Variants in CHN1 observed in about 807,000 individuals in gnomAD.
The protein encoded by CHN1 is chimerin 1, also known as N-chimaerin.
Under a neutral mutation model 59.5 loss-of-function variants are expected in CHN1, and 37 were observed. The observed-to-expected ratio is 0.62, with a 90% CI of 0.48 to 0.82. The LOEUF (loss-of-function observed/expected upper bound fraction) is 0.82. CHN1 is among the 40% of genes least tolerant of loss of function. The probability of loss-of-function intolerance (pLI) is 0.00; values close to 1 mark genes in which losing one functional copy is unlikely to be tolerated. For missense variants in CHN1, 469 were observed against 571.0 expected, an observed-to-expected ratio of 0.82 and a Z score of 1.82; for synonymous variants, 206 against 200.4, an observed-to-expected ratio of 1.03 and a Z score of -0.24.
chr2:174,920,753 C>T (rs148450404), intron 3 of CHN1, among the ~76,000 whole-genome samples: 2 of 152,260 alleles, frequency 1.3e-5, no homozygotes, highest in South Asian at 2.1e-4. Flanking sequence ...TTGTGGAAGA[C>T]AATTTTTCCA....
intron 1 of CHN1, among the ~76,000 whole-genome samples, chr2:174,996,746 CCTCTCTCCT>C (rs1218527905): frequency 4.6e-5 from 7 of 152,028 alleles, no homozygotes; most frequent in Non-Finnish European, 1.0e-4. Flanking sequence ...CCCCAGCTGC[CCTCTCTCCT>C]CTCTCTCCTC....
At position 174,905,565 on chromosome 2, in the gene CHN1, AT is replaced by A. The variant is rs1165322409; in HGVS notation, c.260+9492del. On this transcript the variant is annotated intron_variant, in intron 5 of 12. Transcript: ENST00000409900. The stretch of plus-strand genomic sequence containing the variant: ...AAAACCATGCTGAGGATAAAAAAAA[AT>A]TTTTTTTTTTTTCTCTGAGACGGAG... Among the ~76,000 whole-genome samples the A allele has an allele frequency of 5.0e-3, 745 of 147,600 alleles. 6 individuals carry two copies. Among genetic ancestry groups the A allele is most frequent in the African/African-American group, 0.015 (623 of 40,262 alleles).
chr2:174,883,903 A>G (rs565049984), intron 5 of CHN1, among the ~76,000 whole-genome samples: 124 of 150,688 alleles, frequency 8.2e-4, no homozygotes, highest in Middle Eastern at 3.4e-3. Context: ...CAAAAAGACA[A>G]AAAGATAAAA....
intron 1 of CHN1, among the ~76,000 whole-genome samples, chr2:174,984,705 T>C (rs748269526): frequency 2.0e-5 from 3 of 152,124 alleles, no homozygotes; most frequent in Non-Finnish European, 2.9e-5. Context: ...TTGTGCAAAA[T>C]AGTATCACAT....
rs3771922 is a variant in CHN1, at chr2:174,992,340, G to T, written c.19+12554C>A. Among the ~76,000 whole-genome samples, 3 of 152,144 alleles carry T rather than the reference G, an allele frequency of 2.0e-5. No individual in the cohort carries two copies. The East Asian group carries it at 5.8e-4, about 29-fold the overall frequency. Reference sequence around the variant, plus strand: ...TAAAAGACTTGGGAATCATTCACACGGTGTTCACTGTTGAAACCTACATGC... The same window carrying T: ...TAAAAGACTTGGGAATCATTCACACTGTGTTCACTGTTGAAACCTACATGC... On this transcript the variant is annotated intron_variant, in intron 1 of 12. Transcript: ENST00000409900.
chr2:174,997,770 G>A lies in CHN1; in HGVS notation c.19+7124C>T, dbSNP rs531462364. ...CAAAAGGCCGGGTGTGGTGGCTCAC[G>A]TCTGTAATCCCAGCACTTTGGGAGA... On this transcript the variant is annotated intron_variant, in intron 1 of 12. Coordinates refer to ENST00000409900, the MANE Select transcript of CHN1 (RefSeq NM_001822.7). Among the ~76,000 whole-genome samples, 64 of 152,256 alleles carry A rather than the reference G, an allele frequency of 4.2e-4. No individual in the cohort carries two copies. The South Asian group carries it at 0.011, about 27-fold the overall frequency.
intron 5 of CHN1, among the ~76,000 whole-genome samples, chr2:174,898,005 T>A (rs766750684): frequency 1.3e-5 from 2 of 152,202 alleles, no homozygotes; most frequent in African/African-American, 4.8e-5. Context: ...TTTTCAGGTA[T>A]GAACATGGCT....
chr2:175,001,142 G>T (rs1022104977), intron 1 of CHN1, among the ~76,000 whole-genome samples: 3 of 151,874 alleles, frequency 2.0e-5, no homozygotes, highest in Non-Finnish European at 4.4e-5. Flanking sequence ...TTTAAATAAG[G>T]ATGATGATTT....
chr2:174,895,514 T>C lies in CHN1; in HGVS notation c.261-17386A>G, dbSNP rs147933786. On this transcript the variant is annotated intron_variant, in intron 5 of 12. Transcript: ENST00000409900. ...GAGAGCTGTTGTACAACAATGTGCA[T>C]AGAGTTAACAATACTGTAATTGCAC... Among the ~76,000 whole-genome samples the C allele has an allele frequency of 2.1e-3, 321 of 152,114 alleles. 1 individual carries two copies. The highest frequency in any genetic ancestry group is 7.5e-3 in the African/African-American group (310 of 41,514).
chr2:174,935,400 G>C (rs1250974486), intron 3 of CHN1, among the ~76,000 whole-genome samples: 1 of 152,134 alleles, frequency 6.6e-6, no homozygotes, highest in African/African-American at 2.4e-5. Context: ...AACAGATATA[G>C]GTATTAATGC....
chr2:174,985,837 G>A (rs1480345891), intron 1 of CHN1, among the ~76,000 whole-genome samples: 1 of 152,122 alleles, frequency 6.6e-6, no homozygotes, highest in Admixed American at 6.5e-5. Flanking sequence ...AAATTTTGCT[G>A]CATTTCCATA....
chr2:174,941,049 G>A (rs80208852), intron 3 of CHN1, among the ~76,000 whole-genome samples: 64 of 151,602 alleles, frequency 4.2e-4, no homozygotes, highest in African/African-American at 1.5e-3. Context: ...GTATAATTAC[G>A]GACTTACAAA....
intron 3 of CHN1, among the ~76,000 whole-genome samples, chr2:174,922,423 G>T (rs1689041679): frequency 6.6e-6 from 1 of 152,170 alleles, no homozygotes; most frequent in Admixed American, 6.5e-5. Context: ...AGGCATGGTG[G>T]CTCATACCTG....
intron 2 of CHN1, 134 bp from the exon 3 acceptor site, chr2:174,945,077 A>C: frequency 1.6e-6 from 1 of 620,484 alleles, no homozygotes; most frequent in Admixed American, 3.0e-5. Context: ...TTGTGTTATG[A>C]ACAAAACAAA....
At chr2:174,893,407 T>A (rs138584428) in intron 5 of CHN1, among the ~76,000 whole-genome samples, 1 of 152,122 alleles carries the variant, frequency 6.6e-6, no homozygotes, top group Non-Finnish European at 1.5e-5. Context: ...AGAAATAAAC[T>A]TAAAAGGCAA....
rs182080448 is a variant in CHN1 at position 174,818,222 on chromosome 2, A to C, written c.713-5740T>G. Among the ~76,000 whole-genome samples the C allele has an allele frequency of 4.2e-3, 638 of 152,362 alleles. 1 individual carries two copies. Among genetic ancestry groups the C allele is most frequent in the Non-Finnish European group, 6.1e-3 (418 of 68,028 alleles). ...ATGTTCTCTCTTTTATTTAAATAAGATAAAACTATGGGAAAACATTAATAT... is the reference window on the plus strand; with the variant it reads ...ATGTTCTCTCTTTTATTTAAATAAGCTAAAACTATGGGAAAACATTAATAT... On this transcript the variant is annotated intron_variant, in intron 8 of 12. Coordinates refer to ENST00000409900, the MANE Select transcript of CHN1 (RefSeq NM_001822.7).
chr2:174,975,198 A>G (rs1446737554), intron 1 of CHN1, among the ~76,000 whole-genome samples: 3 of 152,220 alleles, frequency 2.0e-5, no homozygotes, highest in Non-Finnish European at 4.4e-5. Flanking sequence ...TATTTATAGT[A>G]TAAATGCAAG....
chr2:174,994,714 G>A (rs1319768386), intron 1 of CHN1, among the ~76,000 whole-genome samples: 1 of 152,132 alleles, frequency 6.6e-6, no homozygotes, highest in East Asian at 1.9e-4. Context: ...GGCAAAGAAG[G>A]GATAGGGACA....
At chr2:174,959,766 T>A (rs1690339813) in intron 1 of CHN1, among the ~76,000 whole-genome samples, 1 of 152,196 alleles carries the variant, frequency 6.6e-6, no homozygotes, top group African/African-American at 2.4e-5. Context: ...CAGCCTAAGG[T>A]GGATGCTGGA....
Sources: gnomAD v4.1 joint callset for allele counts (sites outside exome capture counted in the v4.1 genomes callset) on GRCh38, gnomAD v4.1.1 for gene constraint, MANE v1.5 for transcripts, NCBI Gene and HGNC (gene_info 2026-07-23, HGNC 2026-07-21) for gene names.